The following CAMTA1 variants were observed in gnomAD, a reference collection of about 807,000 sequenced individuals.
The protein encoded by CAMTA1 is calmodulin binding transcription activator 1.
CAMTA1 carries 27 observed loss-of-function variants against 170.9 expected under a neutral mutation model. The ratio of observed to expected loss-of-function variants is 0.16; its 90% CI spans 0.12 to 0.22. The LOEUF (loss-of-function observed/expected upper bound fraction) is 0.22. CAMTA1 is among the 10% of genes least tolerant of loss of function. The pLI, the probability that CAMTA1 is intolerant of heterozygous loss-of-function variation, is 1.00. For missense variants in CAMTA1, 1,619 were observed against 2,217.2 expected (o/e 0.73, Z 5.42); for synonymous variants, 833 against 891.5 (o/e 0.93, Z 1.17).
chr1:7,639,957 C>T lies in CAMTA1; in HGVS notation c.511-443C>T, dbSNP rs143651282. Among the ~76,000 whole-genome samples, 142 of 152,128 alleles carry T rather than the reference C, an allele frequency of 9.3e-4. 1 individual carries two copies. The highest frequency in any genetic ancestry group is 3.1e-3 in the African/African-American group (127 of 41,510). On this transcript the variant is annotated intron_variant, in intron 6 of 22. Transcript: ENST00000303635. ...TCCCGCAAGCTGTGAGGGGGCAACG[C>T]GTGTTGGGCGTGAAGGAGGGAGAGG...
intron 5 of CAMTA1, among the ~76,000 whole-genome samples, chr1:7,256,023 G>A (rs527291737): frequency 1.3e-5 from 2 of 152,234 alleles, no homozygotes; most frequent in Non-Finnish European, 2.9e-5. Context: ...ATCTCCCGGG[G>A]CTCTCTGCTG....
intron 6 of CAMTA1, among the ~76,000 whole-genome samples, chr1:7,540,886 TAGTTGCACAA>T (rs1443423264): frequency 2.0e-5 from 3 of 152,236 alleles, no homozygotes; most frequent in African/African-American, 7.2e-5. Flanking sequence ...ATTAGTTGAT[TAGTTGCACAA>T]AGTTGCTGCA....
intron 9 of CAMTA1, among the ~76,000 whole-genome samples, chr1:7,667,180 C>G (rs974097396): frequency 6.6e-6 from 1 of 152,092 alleles, no homozygotes; most frequent in Non-Finnish European, 1.5e-5. Flanking sequence ...TGAGCCACCA[C>G]ACCCGGCCCT....
chr1:7,219,956 G>T (rs532607663), intron 4 of CAMTA1, among the ~76,000 whole-genome samples: 41 of 152,314 alleles, frequency 2.7e-4, no homozygotes, highest in Non-Finnish European at 4.4e-5. Flanking sequence ...CCGTCTGTAG[G>T]CCAGGAAGGG....
intron 6 of CAMTA1, among the ~76,000 whole-genome samples, chr1:7,611,520 C>T (rs2095523546): frequency 6.6e-6 from 1 of 152,164 alleles, no homozygotes; most frequent in Admixed American, 6.5e-5. Flanking sequence ...TCCCTCTAGC[C>T]CGAGGGCCTG....
intron 5 of CAMTA1, among the ~76,000 whole-genome samples, chr1:7,267,474 G>A (rs1669106229): frequency 6.6e-6 from 1 of 152,192 alleles, no homozygotes; most frequent in African/African-American, 2.4e-5. Context: ...ATCCCCTGGA[G>A]TTTGTGCCTC....
intron 1 of CAMTA1, among the ~76,000 whole-genome samples, chr1:6,786,689 C>T (rs923299645): frequency 2.0e-5 from 3 of 152,276 alleles, no homozygotes; most frequent in East Asian, 1.9e-4. Flanking sequence ...GAGTTGCCCT[C>T]CTTTTCTTAT....
At chr1:7,746,380 A>G (rs1347839467) in intron 18 of CAMTA1, among the ~76,000 whole-genome samples, 1 of 152,220 alleles carries the variant, frequency 6.6e-6, no homozygotes, top group Non-Finnish European at 1.5e-5. Flanking sequence ...GTGCTGTGCA[A>G]CTGTCACTGC....
intron 22 of CAMTA1, among the ~76,000 whole-genome samples, chr1:7,763,805 C>T (rs1180702292): frequency 6.6e-6 from 1 of 152,116 alleles, no homozygotes; most frequent in Admixed American, 6.5e-5. Flanking sequence ...ATAACATCGT[C>T]GTGTTTATGC....
At chr1:7,374,929 T>A (rs983053026) in intron 5 of CAMTA1, among the ~76,000 whole-genome samples, 12 of 152,196 alleles carry the variant, frequency 7.9e-5, no homozygotes, top group Non-Finnish European at 1.6e-4. Flanking sequence ...CCATATAGCC[T>A]TCACCCTACA....
At chr1:7,667,557 G>T (rs2149190093) in intron 9 of CAMTA1, among the ~76,000 whole-genome samples, 1 of 152,258 alleles carries the variant, frequency 6.6e-6, no homozygotes, top group Non-Finnish European at 1.5e-5. Flanking sequence ...GAGGTGGGAG[G>T]AGGGTCCCCT....
chr1:7,304,856 A>C (rs751661744), intron 5 of CAMTA1, among the ~76,000 whole-genome samples: 13 of 152,036 alleles, frequency 8.6e-5, no homozygotes, highest in Non-Finnish European at 1.6e-4. Context: ...GACATTTAAA[A>C]AAGTGTAAGT....
At chr1:7,392,730 C>T (rs1286234224) in intron 5 of CAMTA1, among the ~76,000 whole-genome samples, 3 of 151,908 alleles carry the variant, frequency 2.0e-5, no homozygotes, top group African/African-American at 2.4e-5. Context: ...AAAAATTAGC[C>T]GGGTGTGGTG....
intron 3 of CAMTA1, among the ~76,000 whole-genome samples, chr1:6,861,280 A>T (rs947419068): frequency 6.6e-6 from 1 of 152,084 alleles, no homozygotes; most frequent in South Asian, 2.1e-4. Context: ...TACAGTAGAG[A>T]TTCATTTGTC....
At chr1:7,324,806 CAA>C (rs35937100) in intron 5 of CAMTA1, among the ~76,000 whole-genome samples, 13 of 128,462 alleles carry the variant, frequency 1.0e-4, no homozygotes, top group Admixed American at 3.8e-4. Context: ...GACTCCATCT[CAA>C]AAAAAAAAAA....
Position 7,482,375 on chromosome 1 carries a change from G to A in CAMTA1, c.510+14474G>A, listed in dbSNP as rs2149636952. Among the ~76,000 whole-genome samples, 1 of 152,232 alleles carries A rather than the reference G, an allele frequency of 6.6e-6. No individual in the cohort carries two copies. Among genetic ancestry groups the A allele is most frequent in the East Asian group, 1.9e-4 (1 of 5,156 alleles). Reference sequence around the variant, plus strand: ...GCAGGGCCAGGTCACTACTTCCTGGGGTTTCTCCTAGGCTCTCCCACAGCT... The same window carrying A: ...GCAGGGCCAGGTCACTACTTCCTGGAGTTTCTCCTAGGCTCTCCCACAGCT... On this transcript the variant is annotated intron_variant, in intron 6 of 22. Coordinates refer to ENST00000303635, the MANE Select transcript of CAMTA1 (RefSeq NM_015215.4). This position sits in a 1 kb window ranked among gnomAD's most constrained non-coding sequence, Gnocchi z 4.2.
intron 3 of CAMTA1, among the ~76,000 whole-genome samples, chr1:7,012,363 T>C (rs1393122852): frequency 6.6e-6 from 1 of 152,166 alleles, no homozygotes; most frequent in South Asian, 2.1e-4. Flanking sequence ...TTCTTTCTGG[T>C]CCCTGTGAGG....
intron 3 of CAMTA1, among the ~76,000 whole-genome samples, chr1:6,924,558 C>T (rs1378991072): frequency 2.6e-5 from 4 of 152,178 alleles, no homozygotes; most frequent in Non-Finnish European, 1.5e-5. Flanking sequence ...TCGACTCTGC[C>T]TTTCTGATCT....
intron 16 of CAMTA1, 55 bp from the exon 17 acceptor site, chr1:7,744,780 G>C: frequency 6.6e-7 from 1 of 1,515,142 alleles, no homozygotes; most frequent in Admixed American, 1.9e-5. Flanking sequence ...GGTAGACCTG[G>C]ATAACTTGTA....
Sources: gnomAD v4.1 joint callset for allele counts (sites outside exome capture counted in the v4.1 genomes callset) on GRCh38, gnomAD v4.1.1 for gene constraint, Gnocchi (gnomAD v3.1) non-coding constraint, MANE v1.5 for transcripts, NCBI Gene and HGNC (gene_info 2026-07-23, HGNC 2026-07-21) for gene names.